The following MYO3A variants were observed in gnomAD, a reference collection of about 807,000 sequenced individuals.
The protein encoded by MYO3A is myosin IIIA, also known as myosin-IIIa.
In MYO3A, 180 loss-of-function variants were observed where a neutral mutation model predicts 192.7. The observed-to-expected ratio is 0.93, with a 90% CI of 0.83 to 1.06. The LOEUF (loss-of-function observed/expected upper bound fraction) is 1.06, where lower values mean the gene tolerates loss of function less well. MYO3A is among the 50% of genes least tolerant of loss of function. The pLI is 0.00. For synonymous variants in MYO3A, 628 were observed against 645.3 expected, an observed-to-expected ratio of 0.97 and a Z score of 0.41; for missense variants, 1,896 against 1,905.0, an observed-to-expected ratio of 1.00 and a Z score of 0.09.
At position 26,157,578 on chromosome 10, in the gene MYO3A, A is replaced by G. The variant is rs11014973; in HGVS notation, c.2999+63A>G. ...TATATAAAAATCATTCAGAAGAATTATAAGAAACATAATATGAAAAAATCT... is the reference window on the plus strand; with the variant it reads ...TATATAAAAATCATTCAGAAGAATTGTAAGAAACATAATATGAAAAAATCT... On this transcript the variant is annotated intron_variant, in intron 26 of 34. Transcript: ENST00000642920. The G allele has an allele frequency of 2.3e-3, 3,499 of 1,530,002 alleles. 15 individuals carry two copies. Among genetic ancestry groups the G allele is most frequent in the South Asian group, 5.8e-3 (507 of 87,822 alleles). 94.8% of individuals were successfully genotyped at this position (1,530,002 alleles called of 1,614,324 possible).
At chr10:26,143,628 A>G in intron 21 of MYO3A, 27 bp downstream of exon 21, 1 of 1,612,100 alleles carries the variant, frequency 6.2e-7, no homozygotes, top group Non-Finnish European at 8.5e-7. Flanking sequence ...GTGTGTCTGC[A>G]TGGTTTTATG....
At chr10:25,935,937 A>C (rs1418289088) in intron 2 of MYO3A, 107 bp downstream of exon 2, 1 of 152,214 alleles carries the variant, frequency 6.6e-6, no homozygotes, top group Admixed American at 6.5e-5. Context: ...TTTTTATTAC[A>C]TTATAAAAGA....
chr10:26,041,655 A>G (rs1413497775), intron 10 of MYO3A, among the ~76,000 whole-genome samples: 1 of 151,926 alleles, frequency 6.6e-6, no homozygotes, highest in Admixed American at 6.6e-5. Flanking sequence ...CATTATTGTA[A>G]GCTGATAACA....
At chr10:26,086,868 A>AT (rs1173683436) in intron 14 of MYO3A, among the ~76,000 whole-genome samples, 1 of 152,208 alleles carries the variant, frequency 6.6e-6, no homozygotes, top group African/African-American at 2.4e-5. Flanking sequence ...CTGCAGGCTG[A>AT]TAGAGTTTCT....
chr10:26,016,916 C>G lies in MYO3A; in HGVS notation c.585+20C>G. Reference sequence around the variant, plus strand: ...CCTGAGGTCAGATAGAGTTTTGAGGCAGACAAACGTAATAGCTGATCCTGT... The same window carrying G: ...CCTGAGGTCAGATAGAGTTTTGAGGGAGACAAACGTAATAGCTGATCCTGT... On this transcript the variant is annotated intron_variant, in intron 7 of 34. Transcript: ENST00000642920. 1 of 1,607,204 alleles carries G rather than the reference C, an allele frequency of 6.2e-7. No individual in the cohort carries two copies. Among genetic ancestry groups the G allele is most frequent in the Non-Finnish European group, 8.5e-7 (1 of 1,173,680 alleles).
At chr10:25,940,697 G>A (rs958748850) in intron 2 of MYO3A, among the ~76,000 whole-genome samples, 1 of 151,890 alleles carries the variant, frequency 6.6e-6, no homozygotes, top group African/African-American at 2.4e-5. Context: ...ACTTTTATGG[G>A]TACTTTTGTT....
At chr10:26,186,557 CG>C (rs1463738267) in intron 31 of MYO3A, among the ~76,000 whole-genome samples, 1 of 152,168 alleles carries the variant, frequency 6.6e-6, no homozygotes, top group East Asian at 1.9e-4. Flanking sequence ...TGAGCCACTG[CG>C]CCCAGCCAAT....
At chr10:26,001,389 G>T (rs868771441) in intron 6 of MYO3A, among the ~76,000 whole-genome samples, 1 of 144,902 alleles carries the variant, frequency 6.9e-6, no homozygotes, top group Non-Finnish European at 1.5e-5. Context: ...AGGGGGGTGG[G>T]TGTACAGTGA....
chr10:26,134,587 C>T (rs568926873), intron 20 of MYO3A, among the ~76,000 whole-genome samples: 25 of 152,152 alleles, frequency 1.6e-4, no homozygotes, highest in African/African-American at 4.6e-4. Flanking sequence ...GTGGAATAAA[C>T]ACCATGTAAA....
At chr10:25,965,712 C>A (rs1838215326) in intron 4 of MYO3A, among the ~76,000 whole-genome samples, 2 of 152,066 alleles carry the variant, frequency 1.3e-5, no homozygotes, top group African/African-American at 4.8e-5. Flanking sequence ...TGCAGGCACT[C>A]AAGTTCAGAC....
Position 26,021,555 on chromosome 10 carries a change from C to T in MYO3A, c.638C>T (p.Thr213Ile). 6.2e-7 allele frequency: 1 copy of T among 1,614,108 alleles called. No homozygotes were observed. Among genetic ancestry groups the T allele is most frequent in the East Asian group, 2.2e-5 (1 of 44,880 alleles). ...LDTTYDARCD[T>I]WSLGITAIEL... is the part of the protein sequence containing the mutation. ...ACCACTTATGACGCCAGATGTGACA[C>T]TTGGTCCCTGGGTATCACGGCCATT... The change falls in exon 8 of 35, where the codon ACT (threonine) becomes ATT (isoleucine). Residue 213 changes from threonine (T) to isoleucine (I), a missense_variant. Transcript: ENST00000642920.
At position 26,173,849 on chromosome 10, in the gene MYO3A, G is replaced by T. The variant is rs372169216; in HGVS notation, c.3585G>T (p.Val1195=). 569 of 1,613,908 alleles carry T rather than the reference G, an allele frequency of 3.5e-4. No individual in the cohort carries two copies. Among genetic ancestry groups the T allele is most frequent in the Non-Finnish European group, 4.5e-4 (527 of 1,180,018 alleles). ...VYQTPKKMNN[V]YEEEVKQEFY... The stretch of plus-strand genomic sequence containing the variant: ...AGACTCCAAAAAAAATGAATAATGT[G>T]TATGAGGAAGAGGTTAAGCAAGAAT... Residue 1195 remains valine, a synonymous_variant, in exon 30 of 35, where the codon GTG becomes GTT. Transcript: ENST00000642920.
At chr10:25,956,572 G>A (rs1837556437) in intron 4 of MYO3A, among the ~76,000 whole-genome samples, 1 of 145,524 alleles carries the variant, frequency 6.9e-6, no homozygotes, top group African/African-American at 2.6e-5. Context: ...TCAAACTCCT[G>A]ATCTCAAGTG....
chr10:26,051,449 T>G (rs1355650898), intron 10 of MYO3A, among the ~76,000 whole-genome samples: 1 of 151,466 alleles, frequency 6.6e-6, no homozygotes, highest in Non-Finnish European at 1.5e-5. Flanking sequence ...GCTACTGGCT[T>G]GTAAATTTTT....
At chr10:26,107,886 T>C (rs1837924695) in intron 17 of MYO3A, among the ~76,000 whole-genome samples, 1 of 152,186 alleles carries the variant, frequency 6.6e-6, no homozygotes, top group African/African-American at 2.4e-5. Context: ...GTCTGTATTA[T>C]TGGTTTTAAT....
chr10:26,103,217 C>T (rs775515892), intron 17 of MYO3A, among the ~76,000 whole-genome samples: 29 of 152,298 alleles, frequency 1.9e-4, no homozygotes, highest in African/African-American at 5.3e-4. Flanking sequence ...CCTGGTGTGC[C>T]GTTTGCTAAG....
intron 3 of MYO3A, among the ~76,000 whole-genome samples, chr10:25,954,091 A>G (rs1320954837): frequency 6.6e-6 from 1 of 152,102 alleles, no homozygotes; most frequent in African/African-American, 2.4e-5. Context: ...ACCAGCTCTG[A>G]CTTCAACTTC....
At chr10:25,988,440 A>T (rs1839792688) in intron 4 of MYO3A, among the ~76,000 whole-genome samples, 1 of 152,208 alleles carries the variant, frequency 6.6e-6, no homozygotes, top group Admixed American at 6.5e-5. Context: ...TCAAGTGCTG[A>T]TGAAGATATG....
At chr10:26,009,686 C>T (rs1354200759) in intron 6 of MYO3A, among the ~76,000 whole-genome samples, 2 of 152,228 alleles carry the variant, frequency 1.3e-5, no homozygotes, top group Non-Finnish European at 1.5e-5. Flanking sequence ...ACCAAGTGTG[C>T]TTCTCTATGA....
Sources: gnomAD v4.1 joint callset for allele counts (sites outside exome capture counted in the v4.1 genomes callset) on GRCh38, gnomAD v4.1.1 for gene constraint, MANE v1.5 for transcripts, NCBI Gene and HGNC (gene_info 2026-07-23, HGNC 2026-07-21) for gene names.